TUT4: variants seen among roughly 807,000 people sequenced by gnomAD.
TUT4 encodes terminal uridylyl transferase 4, also known as terminal uridylyltransferase 4.
A neutral mutation model predicts 192.2 loss-of-function variants in TUT4; 36 were observed. The ratio of observed to expected loss-of-function variants is 0.19; its 90% CI spans 0.14 to 0.25. The LOEUF is 0.25. Ranked by LOEUF, TUT4 falls within the 10% of genes least tolerant of loss-of-function variation. TUT4 has a pLI of 1.00. For synonymous variants in TUT4, 618 were observed against 666.0 expected, an observed-to-expected ratio of 0.93 and a Z score of 1.11; for missense variants, 1,493 against 1,957.2, an observed-to-expected ratio of 0.76 and a Z score of 4.47.
At chr1:52,524,448 C>T (rs1463609522) in intron 2 of TUT4, among the ~76,000 whole-genome samples, 5 of 151,426 alleles carry the variant, frequency 3.3e-5, no homozygotes, top group African/African-American at 4.9e-5. Context: ...GGCGTGAACC[C>T]GGGAGGGGGA....
intron 1 of TUT4, among the ~76,000 whole-genome samples, chr1:52,536,843 T>G (rs1189139619): frequency 7.5e-6 from 1 of 133,048 alleles, no homozygotes; most frequent in African/African-American, 2.9e-5. Context: ...AACAAGAGTT[T>G]CGTCTCAAAA....
chr1:52,464,277 A>G (rs539803906), intron 16 of TUT4, among the ~76,000 whole-genome samples: 1 of 152,084 alleles, frequency 6.6e-6, no homozygotes, highest in South Asian at 2.1e-4. Flanking sequence ...ATTTTCTGAG[A>G]CGGAGTCTCA....
At chr1:52,514,766 TTTTA>T (rs1488095852) in intron 3 of TUT4, 2 of 151,474 alleles carry the variant, frequency 1.3e-5, no homozygotes, top group African/African-American at 2.4e-5. Flanking sequence ...TTGTCAATAG[TTTTA>T]TTTGTGATTT....
rs1375698469 is a variant in TUT4 at position 52,423,871 on chromosome 1, T to C, written c.*64A>G. On this transcript the variant is annotated 3_prime_UTR_variant, in exon 30 of 30. Transcript: ENST00000257177. ...ACTGACATTGAGGTACGGATACCCT[T>C]GAGACAGCAGGATTGGCTGGTTGCT... 13 of 1,589,686 alleles carry C rather than the reference T, an allele frequency of 8.2e-6. No homozygotes were observed. The highest frequency in any genetic ancestry group is 1.3e-5 in the African/African-American group (1 of 74,306).
At chr1:52,496,817 T>G (rs780284433) in intron 5 of TUT4, among the ~76,000 whole-genome samples, 189 bp downstream of exon 5, 1 of 152,162 alleles carries the variant, frequency 6.6e-6, no homozygotes, top group Non-Finnish European at 1.5e-5. Context: ...AGTACAAAAG[T>G]GTGCTGTGCC....
intron 28 of TUT4, among the ~76,000 whole-genome samples, chr1:52,428,498 C>T (rs1456605136): frequency 4.6e-5 from 7 of 152,084 alleles, no homozygotes; most frequent in Middle Eastern, 6.8e-3. Flanking sequence ...TGGTGGCAGG[C>T]GCCTCTAATC....
At chr1:52,534,382 T>G (rs1438676171) in intron 1 of TUT4, among the ~76,000 whole-genome samples, 2 of 152,148 alleles carry the variant, frequency 1.3e-5, no homozygotes, top group Non-Finnish European at 2.9e-5. Flanking sequence ...AAAAATAAAA[T>G]TATCTTCTGG....
chr1:52,523,245 G>A lies in TUT4; in HGVS notation c.718+2318C>T, dbSNP rs1257350055. On this transcript the variant is annotated intron_variant, in intron 2 of 29. Transcript: ENST00000257177. ...TGACCTCAGGTGATCCATGCACCTCGGCGTCCCAAAGTGCTGGGATTACAG... is the reference window on the plus strand; with the variant it reads ...TGACCTCAGGTGATCCATGCACCTCAGCGTCCCAAAGTGCTGGGATTACAG... Among the ~76,000 whole-genome samples the A allele has an allele frequency of 3.3e-5, 5 of 151,528 alleles. No homozygotes were observed. In the South Asian group the frequency reaches 6.2e-4, roughly 19 times the overall value.
At chr1:52,502,563 A>G (rs1036753814) in intron 4 of TUT4, among the ~76,000 whole-genome samples, 1 of 149,610 alleles carries the variant, frequency 6.7e-6, no homozygotes, top group African/African-American at 2.5e-5. Context: ...TAAACATTAC[A>G]CAATCTACTA....
At chr1:52,510,941 T>C (rs1676979360) in intron 3 of TUT4, among the ~76,000 whole-genome samples, 1 of 152,230 alleles carries the variant, frequency 6.6e-6, no homozygotes, top group Non-Finnish European at 1.5e-5. Context: ...TGTGGAATTT[T>C]AAAAGTTTCT....
intron 2 of TUT4, among the ~76,000 whole-genome samples, chr1:52,521,773 G>A (rs1680348779): frequency 6.6e-6 from 1 of 152,104 alleles, no homozygotes. Flanking sequence ...AGACCAGCCT[G>A]ATCAACATGG....
chr1:52,507,072 T>C (rs751185455), intron 4 of TUT4, among the ~76,000 whole-genome samples: 7 of 152,218 alleles, frequency 4.6e-5, no homozygotes, highest in Non-Finnish European at 8.8e-5. Context: ...CAGTGTCCCA[T>C]GAAGCACGAG....
intron 20 of TUT4, among the ~76,000 whole-genome samples, chr1:52,455,975 A>AC (rs1660816611): frequency 6.6e-6 from 1 of 152,258 alleles, no homozygotes; most frequent in South Asian, 2.1e-4. Context: ...CTATGTCCAT[A>AC]CAAAAACTTG....
At chr1:52,425,964 C>T (rs570034723) in intron 28 of TUT4, among the ~76,000 whole-genome samples, 8 of 152,188 alleles carry the variant, frequency 5.3e-5, no homozygotes, top group African/African-American at 1.9e-4. Flanking sequence ...CAATCTGCAA[C>T]ATAGAGACAG....
At chr1:52,530,334 CTTTA>C (rs1441656970) in intron 1 of TUT4, among the ~76,000 whole-genome samples, 1 of 150,702 alleles carries the variant, frequency 6.6e-6, no homozygotes, top group East Asian at 1.9e-4. Context: ...TCTTCCTCAC[CTTTA>C]TTTTTTACTT....
intron 1 of TUT4, among the ~76,000 whole-genome samples, chr1:52,549,126 C>T (rs1313865042): frequency 6.6e-6 from 1 of 152,104 alleles, no homozygotes; most frequent in East Asian, 1.9e-4. Context: ...TGCCTATCCA[C>T]TAAAAACGGG....
chr1:52,505,342 T>TG (rs1675234490), intron 4 of TUT4, among the ~76,000 whole-genome samples: 1 of 151,644 alleles, frequency 6.6e-6, no homozygotes, highest in South Asian at 2.1e-4. Context: ...CCAAAGGAGC[T>TG]GGGACTAACA....
chr1:52,553,044 G>T lies in TUT4; in HGVS notation c.-207C>A. 1 of 154,666 alleles carries T rather than the reference G, an allele frequency of 6.5e-6. No individual in the cohort carries two copies. Among genetic ancestry groups the T allele is most frequent in the South Asian group, 1.8e-4 (1 of 5,418 alleles). 9.6% of individuals were successfully genotyped at this position (154,666 alleles called of 1,614,324 possible). The stretch of plus-strand genomic sequence containing the variant: ...CGCCGCTGCCGCCGCTGGAGGCCGG[G>T]ACACGACTAGCTCAGGACTCCACCG... On this transcript the variant is annotated 5_prime_UTR_variant, in exon 1 of 30. Transcript: ENST00000257177.
chr1:52,426,017 G>T (rs1490163750), intron 28 of TUT4, among the ~76,000 whole-genome samples: 1 of 152,140 alleles, frequency 6.6e-6, no homozygotes, highest in African/African-American at 2.4e-5. Context: ...GGACAGGTAG[G>T]TGGGGATATA....
Sources: gnomAD v4.1 joint callset for allele counts (sites outside exome capture counted in the v4.1 genomes callset) on GRCh38, gnomAD v4.1.1 for gene constraint, MANE v1.5 for transcripts, NCBI Gene and HGNC (gene_info 2026-07-23, HGNC 2026-07-21) for gene names.